The following TECPR2 variants were observed in gnomAD, a reference collection of about 807,000 sequenced individuals.
TECPR2 encodes the protein tectonin beta-propeller repeat containing 2, also known as tectonin beta-propeller repeat-containing protein 2.
A neutral mutation model predicts 138.1 loss-of-function variants in TECPR2; 65 were observed. The observed-to-expected ratio is 0.47, with a 90% CI of 0.39 to 0.58. TECPR2 has a LOEUF of 0.58. TECPR2 is among the 20% of genes least tolerant of loss of function. TECPR2 has a pLI of 0.00. For synonymous variants in TECPR2, 746 were observed against 749.8 expected, an observed-to-expected ratio of 0.99 and a Z score of 0.08; for missense variants, 1,553 against 1,824.5, an observed-to-expected ratio of 0.85 and a Z score of 2.71.
intron 17 of TECPR2, among the ~76,000 whole-genome samples, chr14:102,472,613 T>C (rs562562637): frequency 6.6e-6 from 1 of 152,366 alleles, no homozygotes; most frequent in South Asian, 2.1e-4. Flanking sequence ...TACAAAATGC[T>C]TTTCAAGTTG....
Position 102,393,847 on chromosome 14 carries a change from A to G in TECPR2, c.220-13491A>G, listed in dbSNP as rs532186141. Among the ~76,000 whole-genome samples the G allele has an allele frequency of 3.1e-3, 472 of 152,280 alleles. 9 individuals are homozygous for G. Among genetic ancestry groups the G allele is most frequent in the Non-Finnish European group, 1.4e-3 (98 of 68,016 alleles). On this transcript the variant is annotated intron_variant, in intron 2 of 19. Transcript: ENST00000359520. ...AGTGCTGGGATTATAGGCATGAGCC[A>G]CCGCGCCTGGTCATGATCATTTTTA...
intron 4 of TECPR2, among the ~76,000 whole-genome samples, chr14:102,411,339 C>A (rs1206077993): frequency 6.6e-6 from 1 of 152,228 alleles, no homozygotes; most frequent in African/African-American, 2.4e-5. Flanking sequence ...GTGACTTCCA[C>A]GTACGTATAC....
chr14:102,402,930 G>A (rs991095058), intron 2 of TECPR2, among the ~76,000 whole-genome samples: 1 of 152,112 alleles, frequency 6.6e-6, no homozygotes, highest in Admixed American at 6.6e-5. Flanking sequence ...CCCTAGACAC[G>A]AAGCCTTCAC....
chr14:102,396,739 C>T (rs1411013552), intron 2 of TECPR2, among the ~76,000 whole-genome samples: 1 of 152,226 alleles, frequency 6.6e-6, no homozygotes, highest in Non-Finnish European at 1.5e-5. Flanking sequence ...TATGCACTCC[C>T]CAACCCCAGT....
At chr14:102,463,424 AAAAAAAAAAAAAAAAGAAAAAAAC>A (rs1363274775) in intron 16 of TECPR2, among the ~76,000 whole-genome samples, 1 of 147,630 alleles carries the variant, frequency 6.8e-6, no homozygotes, top group Non-Finnish European at 1.5e-5. Flanking sequence ...CTCAAAAAAA[AAAAAAAAAAAAAAAAGAAAAAAAC>A]AAAAAAACAG....
chr14:102,468,687 C>T (rs796204970), intron 17 of TECPR2, among the ~76,000 whole-genome samples: 34 of 152,246 alleles, frequency 2.2e-4, no homozygotes, highest in African/African-American at 7.7e-4. Flanking sequence ...GTTGCCTAAT[C>T]CAAGGTCACA....
At chr14:102,382,649 G>A (rs888045572) in intron 2 of TECPR2, among the ~76,000 whole-genome samples, 4 of 152,194 alleles carry the variant, frequency 2.6e-5, no homozygotes, top group African/African-American at 7.2e-5. Flanking sequence ...ACCATGTCCT[G>A]AGTTAGAAAA....
intron 17 of TECPR2, among the ~76,000 whole-genome samples, chr14:102,486,916 A>G (rs957037335): frequency 6.6e-6 from 1 of 152,170 alleles, no homozygotes; most frequent in Non-Finnish European, 1.5e-5. Flanking sequence ...TACAGGGAAA[A>G]AAGAACTAGA....
In TECPR2 at chr14:102,498,730, A is replaced by G. The variant is rs1891361089; in HGVS notation, c.*473A>G. On this transcript the variant is annotated 3_prime_UTR_variant, in exon 20 of 20. Coordinates refer to ENST00000359520, the MANE Select transcript of TECPR2 (RefSeq NM_014844.5). Reference sequence around the variant, plus strand: ...TGCTCGGTGATGGCTTTGTCCCATCATAGGGGGGTGTCCCCCCAGAGACAA... The same window carrying G: ...TGCTCGGTGATGGCTTTGTCCCATCGTAGGGGGGTGTCCCCCCAGAGACAA... The G allele has an allele frequency of 4.5e-6, 2 of 448,232 alleles. No individual in the cohort carries two copies. The highest frequency in any genetic ancestry group is 8.8e-6 in the Non-Finnish European group (2 of 227,354). The allele number at this position is 448,232 out of a possible 1,614,324, so 27.8% of individuals were successfully genotyped here.
chr14:102,367,348 C>T (rs928850227), intron 1 of TECPR2, among the ~76,000 whole-genome samples: 1 of 152,160 alleles, frequency 6.6e-6, no homozygotes, highest in Non-Finnish European at 1.5e-5. Context: ...ACCGTCACTA[C>T]GTCAATTTTA....
At chr14:102,482,147 G>A (rs1285840997) in intron 17 of TECPR2, among the ~76,000 whole-genome samples, 1 of 151,858 alleles carries the variant, frequency 6.6e-6, no homozygotes, top group Non-Finnish European at 1.5e-5. Context: ...TCCAACTCCT[G>A]GGTCCAAGTG....
rs564529538 is a variant in TECPR2, at chr14:102,367,763, A to C, written c.-73+4647A>C. On this transcript the variant is annotated intron_variant, in intron 1 of 19. Transcript: ENST00000359520. ...TATGTTATCATTTCTATTGGGCATA[A>C]ACCTAGGAATAGAACTTCTGGGTCA... is the stretch of plus-strand genomic sequence containing the variant. Among the ~76,000 whole-genome samples, 22 of 152,232 alleles carry C rather than the reference A, an allele frequency of 1.4e-4. No homozygotes were observed. The East Asian group carries it at 4.1e-3, about 28-fold the overall frequency.
At chr14:102,442,168 A>G (rs1303457652) in intron 11 of TECPR2, among the ~76,000 whole-genome samples, 1 of 152,190 alleles carries the variant, frequency 6.6e-6, no homozygotes, top group East Asian at 1.9e-4. Flanking sequence ...TAGTAGAGGC[A>G]GGGTTTCACT....
chr14:102,429,355 A>C (rs1352782163), intron 7 of TECPR2, among the ~76,000 whole-genome samples: 2 of 152,186 alleles, frequency 1.3e-5, no homozygotes, highest in African/African-American at 4.8e-5. Flanking sequence ...ATGCTCCAAA[A>C]GACATAGATT....
intron 2 of TECPR2, among the ~76,000 whole-genome samples, chr14:102,395,837 A>G (rs762921527): frequency 6.6e-5 from 10 of 152,156 alleles, no homozygotes; most frequent in Non-Finnish European, 1.3e-4. Flanking sequence ...AAACCAACAT[A>G]TTAAACTTTA....
At chr14:102,485,858 G>A (rs1026208903) in intron 17 of TECPR2, among the ~76,000 whole-genome samples, 6 of 152,198 alleles carry the variant, frequency 3.9e-5, no homozygotes, top group African/African-American at 1.4e-4. Context: ...ACCAGGGTGT[G>A]TGCCACTGGG....
intron 2 of TECPR2, among the ~76,000 whole-genome samples, chr14:102,379,959 C>A (rs540158660): frequency 3.0e-5 from 4 of 132,632 alleles, no homozygotes; most frequent in Admixed American, 7.6e-5. Context: ...TGAAGATCAC[C>A]ATCTTAAAAT....
intron 17 of TECPR2, among the ~76,000 whole-genome samples, chr14:102,488,318 CTT>C (rs34478835): frequency 2.3e-3 from 319 of 139,922 alleles, no homozygotes; most frequent in Non-Finnish European, 2.8e-3. Flanking sequence ...TGTGCTCGGC[CTT>C]TTTTTTTTTT....
intron 17 of TECPR2, among the ~76,000 whole-genome samples, chr14:102,494,576 C>T (rs1398633314): frequency 1.3e-5 from 2 of 151,734 alleles, no homozygotes; most frequent in African/African-American, 4.8e-5. Flanking sequence ...CCTGTAATCC[C>T]AGCACTTTTG....
Sources: gnomAD v4.1 joint callset for allele counts (sites outside exome capture counted in the v4.1 genomes callset) on GRCh38, gnomAD v4.1.1 for gene constraint, MANE v1.5 for transcripts, NCBI Gene and HGNC (gene_info 2026-07-23, HGNC 2026-07-21) for gene names.